LRP1B: variants seen among roughly 807,000 people sequenced by gnomAD.
The protein encoded by LRP1B is LDL receptor related protein 1B.
In LRP1B, 217 loss-of-function variants were observed where a neutral mutation model predicts 556.6. The ratio of observed to expected loss-of-function variants is 0.39; its 90% CI spans 0.35 to 0.44. LRP1B has a LOEUF of 0.44. Among genes scored for constraint, LRP1B ranks in the 20% least tolerant of loss-of-function variants. LRP1B has a pLI of 1.00. For synonymous variants in LRP1B, 2,047 were observed against 1,865.8 expected (o/e 1.10, Z -2.50); for missense variants, 5,053 against 5,620.8 (o/e 0.90, Z 3.23).
chr2:140,263,309 A>G (rs1036905051), intron 86 of LRP1B, among the ~76,000 whole-genome samples: 1 of 151,966 alleles, frequency 6.6e-6, no homozygotes, highest in Non-Finnish European at 1.5e-5. Context: ...GTCTTCCTTT[A>G]TTTTGCCCTG....
At chr2:141,510,165 A>C (rs572279604) in intron 2 of LRP1B, among the ~76,000 whole-genome samples, 1 of 150,930 alleles carries the variant, frequency 6.6e-6, no homozygotes, top group East Asian at 2.0e-4. Flanking sequence ...CATTAAAAAC[A>C]TAGTCCTAGG....
chr2:142,121,108 G>A (rs13413233), intron 1 of LRP1B, among the ~76,000 whole-genome samples: 4 of 151,956 alleles, frequency 2.6e-5, no homozygotes, highest in Admixed American at 6.6e-5. Flanking sequence ...TGCTGCATTC[G>A]TTCTTATAGA....
chr2:141,919,190 GATAC>G (rs1212638037), intron 1 of LRP1B, among the ~76,000 whole-genome samples: 1 of 151,958 alleles, frequency 6.6e-6, no homozygotes, highest in African/African-American at 2.4e-5. Context: ...ATGATCTATA[GATAC>G]ATACACATAT....
At chr2:141,500,159 A>C (rs1183535699) in intron 2 of LRP1B, among the ~76,000 whole-genome samples, 1 of 152,074 alleles carries the variant, frequency 6.6e-6, no homozygotes, top group Non-Finnish European at 1.5e-5. Context: ...TTTGAGTCTG[A>C]ATAACAAATG....
At chr2:140,542,418 C>A (rs1680171336) in intron 43 of LRP1B, among the ~76,000 whole-genome samples, 1 of 151,930 alleles carries the variant, frequency 6.6e-6, no homozygotes, top group African/African-American at 2.4e-5. Context: ...GGAAGTTCAC[C>A]GCATGAGTGA....
intron 7 of LRP1B, among the ~76,000 whole-genome samples, chr2:141,093,785 G>A (rs1393666470): frequency 1.3e-5 from 2 of 151,744 alleles, no homozygotes; most frequent in Non-Finnish European, 2.9e-5. Flanking sequence ...CGCAATCTCT[G>A]CTCACTGCAA....
chr2:140,869,924 T>C (rs935656346), intron 25 of LRP1B, among the ~76,000 whole-genome samples: 5 of 152,140 alleles, frequency 3.3e-5, no homozygotes, highest in Admixed American at 2.0e-4. Flanking sequence ...AAGCACTTTT[T>C]TGAATTAAAG....
At chr2:140,240,790 A>T (rs551982335) in intron 87 of LRP1B, among the ~76,000 whole-genome samples, 172 of 151,092 alleles carry the variant, frequency 1.1e-3, no homozygotes, top group African/African-American at 3.8e-3. Context: ...CTGAAAGTCT[A>T]TGAATTTTTC....
In LRP1B at chr2:142,068,336, A is replaced by C. The variant is rs192592856; in HGVS notation, c.82+62312T>G. 9.2e-5 allele frequency among the ~76,000 whole-genome samples: 14 copies of C among 151,684 alleles called. No homozygotes were observed. In the East Asian group the frequency reaches 2.7e-3, roughly 30 times the overall value. On this transcript the variant is annotated intron_variant, in intron 1 of 90. Coordinates refer to ENST00000389484, the MANE Select transcript of LRP1B (RefSeq NM_018557.3). ...AATTTTATGGACTAAGGAGGATTTAATGTTCCATTAGTGGTCAGTAATTTT... is the reference window on the plus strand; with the variant it reads ...AATTTTATGGACTAAGGAGGATTTACTGTTCCATTAGTGGTCAGTAATTTT...
chr2:140,956,480 T>C (rs1305885586), intron 18 of LRP1B, among the ~76,000 whole-genome samples: 1 of 151,804 alleles, frequency 6.6e-6, no homozygotes, highest in African/African-American at 2.4e-5. Context: ...TTATGGTACA[T>C]AATTAAATAT....
chr2:140,944,638 A>G (rs1474299744), intron 20 of LRP1B, among the ~76,000 whole-genome samples: 1 of 152,162 alleles, frequency 6.6e-6, no homozygotes, highest in Non-Finnish European at 1.5e-5. Context: ...GAACCACCAC[A>G]TAAACAGAAT....
At chr2:141,323,852 A>AACAC (rs150732072) in intron 3 of LRP1B, among the ~76,000 whole-genome samples, 2 of 151,444 alleles carry the variant, frequency 1.3e-5, no homozygotes, top group African/African-American at 4.8e-5. Context: ...TGCAAAGGAA[A>AACAC]ACACACACAC....
intron 3 of LRP1B, among the ~76,000 whole-genome samples, chr2:141,341,410 T>C (rs1688050427): frequency 6.6e-6 from 1 of 152,188 alleles, no homozygotes; most frequent in Non-Finnish European, 1.5e-5. Context: ...TTCCAGTTCC[T>C]CCTCATTAAA....
chr2:140,616,217 A>T (rs1200048779), intron 41 of LRP1B, among the ~76,000 whole-genome samples: 1 of 151,990 alleles, frequency 6.6e-6, no homozygotes, highest in African/African-American at 2.4e-5. Context: ...ATTCAGGTAC[A>T]TTGGCCTACT....
chr2:140,376,676 CTT>C (rs201038936), intron 68 of LRP1B, among the ~76,000 whole-genome samples: 3,446 of 152,220 alleles, frequency 0.023, 49 homozygotes, highest in African/African-American at 0.036. Context: ...ATCCTTGAGA[CTT>C]AGGTTTTGCT....
At chr2:141,881,480 T>C (rs761493611) in intron 1 of LRP1B, among the ~76,000 whole-genome samples, 1 of 152,036 alleles carries the variant, frequency 6.6e-6, no homozygotes, top group South Asian at 2.1e-4. Context: ...TGAAAAATCG[T>C]TGTGAATGTT....
intron 1 of LRP1B, among the ~76,000 whole-genome samples, chr2:142,026,260 G>A (rs2105186137): frequency 6.6e-6 from 1 of 152,160 alleles, no homozygotes; most frequent in East Asian, 1.9e-4. Context: ...CATCTGTTAA[G>A]ATATGAGTCT....
chr2:140,860,498 C>A (rs1014803584), intron 27 of LRP1B, among the ~76,000 whole-genome samples: 58 of 152,000 alleles, frequency 3.8e-4, no homozygotes, highest in African/African-American at 1.4e-3. Context: ...AATGTTCCTG[C>A]AAAAATAGTA....
intron 1 of LRP1B, among the ~76,000 whole-genome samples, chr2:142,128,187 A>G (rs10175237): frequency 0.012 from 1,825 of 152,294 alleles, 26 homozygotes; most frequent in Middle Eastern, 0.024. Context: ...ATTTAATACA[A>G]TGTTTGAACT....
Sources: allele counts gnomAD v4.1 joint callset (sites outside exome capture counted in the v4.1 genomes callset), GRCh38; gene constraint gnomAD v4.1.1; transcripts MANE v1.5; gene names NCBI Gene and HGNC (gene_info 2026-07-23, HGNC 2026-07-21).